Variants in GLRB observed in about 807,000 individuals in gnomAD.
GLRB encodes glycine receptor subunit beta.
GLRB carries 33 observed loss-of-function variants against 54.2 expected under a neutral mutation model. The observed-to-expected ratio is 0.61, with a 90% confidence interval of 0.46 to 0.81. The LOEUF (loss-of-function observed/expected upper bound fraction) is 0.81. GLRB is among the 40% of genes least tolerant of loss of function. The pLI, the probability that GLRB is intolerant of heterozygous loss-of-function variation, is 0.00. For synonymous variants in GLRB, 209 were observed against 208.2 expected (o/e 1.00, Z -0.03); for missense variants, 572 against 584.6 (o/e 0.98, Z 0.22).
intron 4 of GLRB, among the ~76,000 whole-genome samples, chr4:157,130,996 T>C (rs1471594372): frequency 6.6e-6 from 1 of 151,600 alleles, no homozygotes; most frequent in Non-Finnish European, 1.5e-5. Flanking sequence ...CAAAACTTGT[T>C]AATGTTATAC....
intron 2 of GLRB, among the ~76,000 whole-genome samples, chr4:157,100,117 T>C (rs548279184): frequency 1.0e-3 from 152 of 152,312 alleles, no homozygotes; most frequent in African/African-American, 3.6e-3. Context: ...TTTTGATGAA[T>C]TGAAGAATTT....
chr4:157,136,041 TTAAG>T (rs1157727985), intron 4 of GLRB, among the ~76,000 whole-genome samples: 2 of 152,150 alleles, frequency 1.3e-5, no homozygotes, highest in African/African-American at 4.8e-5. Context: ...TCATCAGATA[TTAAG>T]TAATAATCTA....
At position 157,152,759 on chromosome 4, in the gene GLRB, C is replaced by G; in HGVS notation, c.946C>G (p.Leu316Val). The G allele has an allele frequency of 6.2e-7, 1 of 1,613,636 alleles. No homozygotes were observed. The highest frequency in any genetic ancestry group is 8.5e-7 in the Non-Finnish European group (1 of 1,179,634). The change falls in exon 9 of 10, where the codon CTT (leucine) becomes GTT (valine). Residue 316 changes from leucine (L) to valine (V), a missense_variant. Transcript: ENST00000264428. ...VLSLASECTT[L>V]AAELPKVSYV... ...CAGCTTGGCCTCTGAGTGCACAACC[C>G]TTGCCGCTGAGCTTCCCAAAGTTTC...
At chr4:157,099,634 C>A (rs1334387075) in intron 2 of GLRB, among the ~76,000 whole-genome samples, 4 of 152,140 alleles carry the variant, frequency 2.6e-5, no homozygotes, top group Non-Finnish European at 5.9e-5. Context: ...CTTTGCCCAG[C>A]CTGTTATGAA....
At chr4:157,111,860 T>G (rs898495698) in intron 2 of GLRB, among the ~76,000 whole-genome samples, 3 of 152,024 alleles carry the variant, frequency 2.0e-5, no homozygotes, top group African/African-American at 7.2e-5. Context: ...CTGAATCCCA[T>G]GGAAAGCTTT....
rs1485715411 is a variant in GLRB at position 157,120,425 on chromosome 4, A to T, written c.123-131A>T. On this transcript the variant is annotated intron_variant, in intron 2 of 9. Transcript: ENST00000264428. ...AAAATAATAAAATAAAATAAATAAA[A>T]AAAAGAAGAAAAAGCCATACTATAG... 9 of 295,872 alleles carry T rather than the reference A, an allele frequency of 3.0e-5. No individual in the cohort carries two copies. In the South Asian group the frequency reaches 4.2e-4, roughly 14 times the overall value. 18.3% of individuals were successfully genotyped at this position (295,872 alleles called of 1,614,324 possible).
At chr4:157,077,345 AAGAAAGC>A (rs1392510663) in intron 1 of GLRB, among the ~76,000 whole-genome samples, 7 of 152,176 alleles carry the variant, frequency 4.6e-5, no homozygotes, top group Non-Finnish European at 1.5e-5. Context: ...GCAAATAAGT[AAGAAAGC>A]TTTAAAGCTA....
At chr4:157,078,717 A>C (rs952602093) in intron 2 of GLRB, among the ~76,000 whole-genome samples, 1 of 152,154 alleles carries the variant, frequency 6.6e-6, no homozygotes, top group African/African-American at 2.4e-5. Flanking sequence ...TTACTTGAAA[A>C]CACAAATTCT....
chr4:157,121,707 C>T (rs1735827792), intron 3 of GLRB, among the ~76,000 whole-genome samples: 1 of 151,340 alleles, frequency 6.6e-6, no homozygotes, highest in Admixed American at 6.6e-5. Flanking sequence ...GCACAACGAG[C>T]AGCCACAATG....
chr4:157,084,690 C>G (rs923507624), intron 2 of GLRB: 1 of 456,096 alleles, frequency 2.2e-6, no homozygotes, highest in South Asian at 1.5e-5. Flanking sequence ...TGAATGACAG[C>G]ATTTTCATAC....
chr4:157,109,693 GACTA>G (rs1735346923), intron 2 of GLRB, among the ~76,000 whole-genome samples: 1 of 152,002 alleles, frequency 6.6e-6, no homozygotes, highest in Admixed American at 6.6e-5. Context: ...CTGTACTTCT[GACTA>G]ACTGACTGTA....
chr4:157,125,839 T>C (rs1020761983), intron 4 of GLRB, among the ~76,000 whole-genome samples: 10 of 152,016 alleles, frequency 6.6e-5, no homozygotes, highest in Admixed American at 2.6e-4. Context: ...TCCCAGCTAC[T>C]TGGGAGGCTG....
At chr4:157,120,969 G>T (rs1735795738) in intron 3 of GLRB, among the ~76,000 whole-genome samples, 1 of 151,578 alleles carries the variant, frequency 6.6e-6, no homozygotes, top group Admixed American at 6.6e-5. Context: ...AACCTTAGTG[G>T]TTTAAAATTT....
intron 9 of GLRB, among the ~76,000 whole-genome samples, chr4:157,167,451 G>A (rs1231669879): frequency 2.0e-5 from 3 of 152,236 alleles, no homozygotes; most frequent in Non-Finnish European, 2.9e-5. Context: ...TAGGGCAGAT[G>A]TGAGTGTGCA....
At chr4:157,157,631 GT>G (rs1737285518) in intron 9 of GLRB, among the ~76,000 whole-genome samples, 1 of 152,074 alleles carries the variant, frequency 6.6e-6, no homozygotes, top group Non-Finnish European at 1.5e-5. Context: ...CAGAATGATT[GT>G]TTCCAGCTTC....
intron 9 of GLRB, among the ~76,000 whole-genome samples, chr4:157,165,838 A>G (rs567124516): frequency 9.3e-4 from 141 of 152,146 alleles, no homozygotes; most frequent in African/African-American, 3.1e-3. Context: ...TATGCCTACA[A>G]TTTTATATAA....
intron 4 of GLRB, among the ~76,000 whole-genome samples, chr4:157,125,581 G>A (rs1735987970): frequency 6.6e-6 from 1 of 151,714 alleles, no homozygotes; most frequent in African/African-American, 2.4e-5. Flanking sequence ...TACTGTATAT[G>A]TGTGGCTTTG....
chr4:157,077,000 T>C (rs1364025628), intron 1 of GLRB, among the ~76,000 whole-genome samples: 1 of 101,210 alleles, frequency 9.9e-6, no homozygotes, highest in Non-Finnish European at 2.0e-5. Flanking sequence ...ATGAAAAACA[T>C]GACATAAGGA....
intron 9 of GLRB, among the ~76,000 whole-genome samples, chr4:157,155,965 G>A (rs2126609429): frequency 6.6e-6 from 1 of 151,880 alleles, no homozygotes; most frequent in South Asian, 2.1e-4. Context: ...GGTACTGTAG[G>A]AGACTGGTTT....
Sources: gnomAD v4.1 joint callset for allele counts (sites outside exome capture counted in the v4.1 genomes callset) on GRCh38, gnomAD v4.1.1 for gene constraint, MANE v1.5 for transcripts, NCBI Gene and HGNC (gene_info 2026-07-23, HGNC 2026-07-21) for gene names.